The following TNS4 variants were observed in gnomAD, a reference collection of about 807,000 sequenced individuals.
TNS4 encodes the protein tensin 4, also known as tensin-4.
Under a neutral mutation model 70.4 loss-of-function variants are expected in TNS4, and 46 were observed. The observed-to-expected ratio is 0.65, with a 90% CI of 0.52 to 0.84. The LOEUF is 0.84. Ranked by LOEUF, TNS4 falls within the 40% of genes least tolerant of loss-of-function variation. The pLI, the probability that TNS4 is intolerant of heterozygous loss-of-function variation, is 0.00. For missense variants in TNS4, 863 were observed against 907.0 expected, an observed-to-expected ratio of 0.95 and a Z score of 0.62; for synonymous variants, 390 against 366.6, an observed-to-expected ratio of 1.06 and a Z score of -0.73.
intron 12 of TNS4, 41 bp downstream of exon 12, chr17:40,478,266 C>T (rs1248365997): frequency 1.2e-6 from 2 of 1,613,456 alleles, no homozygotes; most frequent in African/African-American, 1.3e-5. Context: ...GCAGTTCCCT[C>T]CCCATGTTGG....
At chr17:40,485,503 C>A (rs569750481) in intron 4 of TNS4, among the ~76,000 whole-genome samples, 1 of 152,196 alleles carries the variant, frequency 6.6e-6, no homozygotes, top group African/African-American at 2.4e-5. Context: ...CCCTGGGAGG[C>A]GGGAGCCTGG....
intron 8 of TNS4, chr17:40,481,007 C>T (rs71371427): frequency 2.0e-6 from 1 of 510,102 alleles, no homozygotes; most frequent in African/African-American, 2.0e-5. Context: ...CCCCCCACCT[C>T]TTAGATGGCT....
At position 40,488,643 on chromosome 17, in the gene TNS4, G is replaced by A. The variant is rs756412998; in HGVS notation, c.766C>T (p.Leu256=). 18 of 1,548,684 alleles carry A rather than the reference G, an allele frequency of 1.2e-5. 1 individual carries two copies. The South Asian group carries it at 1.7e-4, about 15-fold the overall frequency. The change falls in exon 3 of 13, where the codon CTG becomes TTG. Residue 256 remains leucine (L), a synonymous_variant. Transcript: ENST00000254051. ...LGSPLVASPR[L]EKRLGGLAPQ... ...GCCAGGCCTCCCAGCCGCTTCTCCA[G>A]TCTTGGAGAAGCCACCAGCGGGGAG...
intron 1 of TNS4, among the ~76,000 whole-genome samples, chr17:40,500,766 A>G (rs1171296717): frequency 1.3e-5 from 2 of 152,008 alleles, no homozygotes; most frequent in Non-Finnish European, 2.9e-5. Flanking sequence ...TGCACCCCCT[A>G]TTTTTGAAAA....
Position 40,482,153 on chromosome 17 carries a change from A to T in TNS4, c.1648T>A (p.Cys550Ser). The T allele has an allele frequency of 6.2e-7, 1 of 1,614,188 alleles. No individual in the cohort carries two copies. The highest frequency in any genetic ancestry group is 8.5e-7 in the Non-Finnish European group (1 of 1,180,024). Residue 550 changes from cysteine (C) to serine (S), a missense_variant, in exon 8 of 13, where the codon TGC becomes AGC. Physicochemically the swap from Cys to Ser is moderately radical, Grantham distance 112 (BLOSUM62 -1). Transcript: ENST00000254051. The stretch of plus-strand genomic sequence containing the variant: ...CCTCTCTGTGGGATGGTGAGTTTGC[A>T]GGGCAGGGCCAGGGCCATGATGGAA... ...QHSIMALALPCKLTIPQRELG... is the reference protein window; with the variant it reads ...QHSIMALALPSKLTIPQRELG...
rs759057103 is a variant in TNS4 at position 40,487,196 on chromosome 17, C to G, written c.1128G>C (p.Leu376=). Residue 376 remains leucine (L), a synonymous_variant, in exon 4 of 13, where the codon CTG becomes CTC. Coordinates refer to ENST00000254051, the MANE Select transcript of TNS4 (RefSeq NM_032865.6). ...TNSMVDIPIV[L]INGCPEPGSS... The stretch of plus-strand genomic sequence containing the variant: ...ACCCTGGTTCTGGGCAGCCGTTGAT[C>G]AGCACAATGGGTATGTCCACCATGG... The G allele has an allele frequency of 3.7e-6, 6 of 1,614,044 alleles. No homozygotes were observed. The South Asian group carries it at 6.6e-5, about 18-fold the overall frequency.
chr17:40,485,793 C>T (rs111447108), intron 4 of TNS4, among the ~76,000 whole-genome samples: 1 of 152,138 alleles, frequency 6.6e-6, no homozygotes, highest in Non-Finnish European at 1.5e-5. Flanking sequence ...TCAACCTTGG[C>T]GGCTTGAAAA....
intron 10 of TNS4, 39 bp downstream of exon 10, chr17:40,479,635 C>A: frequency 6.3e-7 from 1 of 1,594,712 alleles, no homozygotes; most frequent in South Asian, 1.1e-5. Flanking sequence ...AGCTCTACTC[C>A]GCCAGCCCCG....
In TNS4 at chr17:40,484,589, C is replaced by T. The variant is rs759115114; in HGVS notation, c.1396G>A (p.Glu466Lys). ...CTTATGACAAAAGCCCCTGGCTCCT[C>T]CTTCCTCAGCAGCTCGATTGCTGGA... ...REQAIELLRK[E>K]EPGAFVIRDS... Residue 466 changes from glutamate (E) to lysine (K), a missense_variant, in exon 6 of 13, where the codon GAG becomes AAG. By Grantham distance (56) the Glu-to-Lys change is moderately conservative. Coordinates refer to ENST00000254051, the MANE Select transcript of TNS4 (RefSeq NM_032865.6). The T allele has an allele frequency of 5.0e-6, 8 of 1,612,600 alleles. No homozygotes were observed. The highest frequency in any genetic ancestry group is 2.2e-5 in the East Asian group (1 of 44,900).
intron 1 of TNS4, among the ~76,000 whole-genome samples, chr17:40,497,049 T>C (rs1341135361): frequency 2.0e-5 from 3 of 152,172 alleles, no homozygotes; most frequent in African/African-American, 7.2e-5. Context: ...CCAACAAGTG[T>C]AGAGAAGGAC....
intron 4 of TNS4, among the ~76,000 whole-genome samples, chr17:40,486,509 C>T (rs937580524): frequency 6.6e-6 from 1 of 151,870 alleles, no homozygotes; most frequent in Admixed American, 6.6e-5. Context: ...TGATGGTACC[C>T]TATTGCTTAA....
At position 40,483,797 on chromosome 17, in the gene TNS4, T is replaced by C. The variant is rs368207961; in HGVS notation, c.1501+687A>G. Among the ~76,000 whole-genome samples, 123 of 152,338 alleles carry C rather than the reference T, an allele frequency of 8.1e-4. 4 individuals are homozygous for C. In the South Asian group the frequency reaches 0.024, roughly 30 times the overall value. On this transcript the variant is annotated intron_variant, in intron 6 of 12. Coordinates refer to ENST00000254051, the MANE Select transcript of TNS4 (RefSeq NM_032865.6). ...GTTTCATCCTCCCTTTATCACTTAATTGCTCTGGAGTCATTAAGTAACTCT... is the reference window on the plus strand; with the variant it reads ...GTTTCATCCTCCCTTTATCACTTAACTGCTCTGGAGTCATTAAGTAACTCT...
In TNS4 at chr17:40,478,586, T is replaced by G. The variant is rs1386427840; in HGVS notation, c.1973A>C (p.Gln658Pro). ...TLRFCGMDPE[Q>P]RKWQKYCKPS... is the part of the protein sequence containing the mutation. ...GGCCCAGCCTTGAACTTACTTCCGT[T>G]GCTCAGGGTCCATACCACAGAAGCG... Residue 658 changes from glutamine to proline, a missense_variant, in exon 11 of 13, where the codon CAA (glutamine) becomes CCA (proline). By Grantham distance (76) the Gln-to-Pro change is moderately conservative. Transcript: ENST00000254051. The G allele has an allele frequency of 6.2e-7, 1 of 1,614,126 alleles. No individual in the cohort carries two copies. The highest frequency in any genetic ancestry group is 1.7e-5 in the Admixed American group (1 of 60,016).
Position 40,496,300 on chromosome 17 carries a change from G to A in TNS4, c.126C>T (p.Tyr42=). 3.1e-6 allele frequency: 5 copies of A among 1,613,434 alleles called. No homozygotes were observed. The highest frequency in any genetic ancestry group is 4.2e-6 in the Non-Finnish European group (5 of 1,179,694). ...GGGCTCCCCAGCCTTCCGTGGTGTAGTAAGAACACTGGGGTGGCAGGCTGG... is the reference window on the plus strand; with the variant it reads ...GGGCTCCCCAGCCTTCCGTGGTGTAATAAGAACACTGGGGTGGCAGGCTGG... ...PSPSLPPQCS[Y]YTTEGWGAQA... Residue 42 remains tyrosine, a synonymous_variant, in exon 2 of 13, where the codon TAC becomes TAT. Transcript: ENST00000254051.
At chr17:40,479,934 C>T in intron 9 of TNS4, 92 bp from the exon 10 acceptor site, 1 of 1,434,486 alleles carries the variant, frequency 7.0e-7, no homozygotes, top group Non-Finnish European at 9.2e-7. Context: ...GTCTCCTGTT[C>T]AGGAATCCAG....
chr17:40,500,786 G>T (rs997140420), intron 1 of TNS4, among the ~76,000 whole-genome samples: 1 of 152,178 alleles, frequency 6.6e-6, no homozygotes, highest in East Asian at 1.9e-4. Context: ...ACTGGCTCCC[G>T]ATCTTCCCAT....
chr17:40,497,933 G>T (rs1265094094), intron 1 of TNS4, among the ~76,000 whole-genome samples: 1 of 152,216 alleles, frequency 6.6e-6, no homozygotes, highest in African/African-American at 2.4e-5. Flanking sequence ...ACTGTGAAAA[G>T]TCCTTTCCAT....
intron 4 of TNS4, among the ~76,000 whole-genome samples, 163 bp downstream of exon 4, chr17:40,486,873 C>G (rs1348439777): frequency 6.6e-6 from 1 of 152,214 alleles, no homozygotes; most frequent in Admixed American, 6.5e-5. Flanking sequence ...TTGTTTTTGT[C>G]TCTTTCTAAA....
chr17:40,479,436 C>T (rs919247918), intron 10 of TNS4, among the ~76,000 whole-genome samples: 6 of 152,216 alleles, frequency 3.9e-5, no homozygotes, highest in South Asian at 4.1e-4. Context: ...CATGAGCCAC[C>T]GTGCCCGGCC....
Sources: gnomAD v4.1 joint callset for allele counts (sites outside exome capture counted in the v4.1 genomes callset) on GRCh38, gnomAD v4.1.1 for gene constraint, MANE v1.5 for transcripts, NCBI Gene and HGNC (gene_info 2026-07-23, HGNC 2026-07-21) for gene names.